RASGRP3: variants seen among roughly 807,000 people sequenced by gnomAD.
RASGRP3 encodes the protein RAS guanyl releasing protein 3, also known as ras guanyl-releasing protein 3.
RASGRP3 carries 54 observed loss-of-function variants against 82.7 expected under a neutral mutation model. The observed-to-expected ratio is 0.65, with a 90% CI of 0.52 to 0.82. The LOEUF is 0.82. Among genes scored for constraint, RASGRP3 ranks in the 40% least tolerant of loss-of-function variants. The pLI, the probability that RASGRP3 is intolerant of heterozygous loss-of-function variation, is 0.00. For synonymous variants in RASGRP3, 309 were observed against 300.5 expected (o/e 1.03, Z -0.29); for missense variants, 861 against 828.9 (o/e 1.04, Z -0.48).
chr2:33,455,505 A>T (rs115752257), intron 2 of RASGRP3, among the ~76,000 whole-genome samples: 1 of 152,260 alleles, frequency 6.6e-6, no homozygotes, highest in East Asian at 1.9e-4. Flanking sequence ...ACAGGCAATG[A>T]ACTTCATTAA....
rs766058863 is a variant in RASGRP3 at position 33,558,897 on chromosome 2, C to T, written c.1931C>T (p.Ala644Val). 3 of 1,614,030 alleles carry T rather than the reference C, an allele frequency of 1.9e-6. No individual in the cohort carries two copies. Among genetic ancestry groups the T allele is most frequent in the Non-Finnish European group, 2.5e-6 (3 of 1,179,902 alleles). Residue 644 changes from alanine (A) to valine (V), a missense_variant, in exon 17 of 18, where the codon GCA becomes GTA. Coordinates refer to ENST00000403687, the MANE Select transcript of RASGRP3 (RefSeq NM_001139488.2). ...ATGAAATCCAAGTTCCATGACAAAG[C>T]AGCAAAGGACAAAGGCTTTGCCAAA... Reference protein sequence around the residue: ...PKMKSKFHDKAAKDKGFAKWE... With the variant: ...PKMKSKFHDKVAKDKGFAKWE...
At position 33,559,035 on chromosome 2, in the gene RASGRP3, G is replaced by C. The variant is rs750941728; in HGVS notation, c.2064+5G>C. On this transcript the variant is annotated splice_donor_5th_base_variant and intron_variant, in intron 17 of 17. Transcript: ENST00000403687. ...GAGACCAGACAGGATGGTGAGGTAA[G>C]TGCTAGGTCAACCCACAAAGAAAAC... The C allele has an allele frequency of 6.3e-7, 1 of 1,579,904 alleles. No homozygotes were observed.
intron 1 of RASGRP3, among the ~76,000 whole-genome samples, chr2:33,477,998 G>T (rs1299574428): frequency 6.6e-6 from 1 of 151,944 alleles, no homozygotes; most frequent in Non-Finnish European, 1.5e-5. Flanking sequence ...GTTTTCTTTC[G>T]CCCTCTGCCC....
At chr2:33,500,582 C>G (rs530117392) in intron 1 of RASGRP3, among the ~76,000 whole-genome samples, 1 of 152,178 alleles carries the variant, frequency 6.6e-6, no homozygotes, top group South Asian at 2.1e-4. Flanking sequence ...GCATGGAATA[C>G]TGGGAGGCAG....
chr2:33,450,786 C>G (rs1019630882), intron 2 of RASGRP3, among the ~76,000 whole-genome samples: 2 of 73,800 alleles, frequency 2.7e-5, no homozygotes, highest in African/African-American at 9.0e-5. Context: ...ATGTTTTTTT[C>G]TTTTTTCTTT....
At chr2:33,484,954 T>C (rs1365941299) in intron 1 of RASGRP3, among the ~76,000 whole-genome samples, 1 of 152,156 alleles carries the variant, frequency 6.6e-6, no homozygotes. Flanking sequence ...ATCCCAGCAC[T>C]TTGGGAGGCT....
chr2:33,527,990 T>C (rs1672746490), intron 10 of RASGRP3, among the ~76,000 whole-genome samples: 1 of 152,192 alleles, frequency 6.6e-6, no homozygotes, highest in African/African-American at 2.4e-5. Context: ...TTCCACCCCA[T>C]GAAATGCTGT....
chr2:33,546,339 C>T (rs1342924022), intron 13 of RASGRP3, among the ~76,000 whole-genome samples: 1 of 151,084 alleles, frequency 6.6e-6, no homozygotes, highest in Non-Finnish European at 1.5e-5. Context: ...AGGAGAATGG[C>T]ATGAACCCGC....
chr2:33,480,128 C>T lies in RASGRP3; in HGVS notation c.-261+3421C>T, dbSNP rs184261490. Among the ~76,000 whole-genome samples the T allele has an allele frequency of 4.6e-3, 682 of 148,072 alleles. 4 individuals are homozygous for T. Among genetic ancestry groups the T allele is most frequent in the African/African-American group, 0.016 (659 of 40,070 alleles). On this transcript the variant is annotated intron_variant, in intron 1 of 17. Coordinates refer to ENST00000403687, the MANE Select transcript of RASGRP3 (RefSeq NM_001139488.2). ...TGAGATCTCGGCTCACTGCAAGCTC[C>T]GCCTCCAGGATTCACACCATTCTCC...
At chr2:33,536,035 G>T (rs1673568695) in intron 11 of RASGRP3, among the ~76,000 whole-genome samples, 1 of 152,052 alleles carries the variant, frequency 6.6e-6, no homozygotes, top group Non-Finnish European at 1.5e-5. Context: ...AGGCACAGTG[G>T]CTCACACCTG....
At chr2:33,539,072 T>TG in intron 11 of RASGRP3, 22 bp from the exon 12 acceptor site, 1 of 1,422,230 alleles carries the variant, frequency 7.0e-7, no homozygotes, top group Non-Finnish European at 9.6e-7. Context: ...GAAAAATATG[T>TG]GGTTTTTTTT....
Position 33,465,438 on chromosome 2 carries a change from G to A in RASGRP3, c.-261+17495G>A, listed in dbSNP as rs544527952. Among the ~76,000 whole-genome samples the A allele has an allele frequency of 7.6e-4, 115 of 152,292 alleles. 2 individuals are homozygous for A. The highest frequency in any genetic ancestry group is 4.4e-3 in the South Asian group (21 of 4,826). On this transcript the variant is annotated intron_variant, in intron 2 of 18. Transcript: ENST00000402538. ...GGTGGAAGGCCGAAGAGGGAGGATC[G>A]CTTGAACCCAAGAGTTTGAGGCTAC...
intron 1 of RASGRP3, among the ~76,000 whole-genome samples, chr2:33,477,051 T>C (rs888882943): frequency 6.7e-5 from 3 of 44,598 alleles, no homozygotes; most frequent in African/African-American, 1.6e-4. Context: ...CAAAGTCAAG[T>C]TCAGGTTATG....
At position 33,496,281 on chromosome 2, in the gene RASGRP3, A is replaced by G. The variant is rs1260667023; in HGVS notation, c.-260-15429A>G. ...AGCAAGGCATTTGAGGACAAGATTTATAGTGTGTGGACAGGAACTCTGCTC... is the reference window on the plus strand; with the variant it reads ...AGCAAGGCATTTGAGGACAAGATTTGTAGTGTGTGGACAGGAACTCTGCTC... On this transcript the variant is annotated intron_variant, in intron 1 of 17. Coordinates refer to ENST00000403687, the MANE Select transcript of RASGRP3 (RefSeq NM_001139488.2). Among the ~76,000 whole-genome samples the G allele has an allele frequency of 3.3e-5, 5 of 152,364 alleles. No homozygotes were observed. The East Asian group carries it at 7.7e-4, about 23-fold the overall frequency.
At chr2:33,460,875 A>G (rs964046404) in intron 2 of RASGRP3, among the ~76,000 whole-genome samples, 14 of 152,202 alleles carry the variant, frequency 9.2e-5, no homozygotes, top group African/African-American at 2.9e-4. Flanking sequence ...CTTATTTTAT[A>G]AAAGGAAACA....
chr2:33,475,406 G>A (rs977312141), upstream of RASGRP3, among the ~76,000 whole-genome samples: 1 of 152,256 alleles, frequency 6.6e-6, no homozygotes, highest in East Asian at 1.9e-4. Flanking sequence ...ATGAGACAAA[G>A]CCTAAATATA....
chr2:33,464,116 T>G (rs200239480), intron 2 of RASGRP3, among the ~76,000 whole-genome samples: 1 of 121,318 alleles, frequency 8.2e-6, no homozygotes, highest in Admixed American at 7.8e-5. Context: ...TAATAATTAT[T>G]ATTATTATTA....
chr2:33,475,459 G>A (rs564023721), upstream of RASGRP3, among the ~76,000 whole-genome samples: 16 of 152,330 alleles, frequency 1.1e-4, no homozygotes, highest in Middle Eastern at 3.4e-3. Context: ...AAGATATTAT[G>A]TGTTAAAAAT....
intron 4 of RASGRP3, among the ~76,000 whole-genome samples, chr2:33,517,609 T>C (rs1338333008): frequency 2.0e-5 from 3 of 152,218 alleles, no homozygotes; most frequent in Non-Finnish European, 4.4e-5. Flanking sequence ...AAAAGGATAT[T>C]AGACAGTCTA....
Sources: allele counts gnomAD v4.1 joint callset (sites outside exome capture counted in the v4.1 genomes callset), GRCh38; gene constraint gnomAD v4.1.1; transcripts MANE v1.5; gene names NCBI Gene and HGNC (gene_info 2026-07-23, HGNC 2026-07-21).